MAP3K13: variants seen among roughly 807,000 people sequenced by gnomAD.
The protein encoded by MAP3K13 is leucine zipper-bearing kinase.
In MAP3K13, 52 loss-of-function variants were observed where a neutral mutation model predicts 104.0. That is an observed-to-expected ratio of 0.50 (90% CI 0.40 to 0.63). MAP3K13 has a LOEUF of 0.63. Ranked by LOEUF, MAP3K13 falls within the 20% of genes least tolerant of loss-of-function variation. MAP3K13 has a pLI of 0.00. For missense variants in MAP3K13, 914 were observed against 1,218.5 expected (o/e 0.75, Z 3.72); for synonymous variants, 394 against 442.2 (o/e 0.89, Z 1.37).
upstream of MAP3K13, among the ~76,000 whole-genome samples, chr3:185,358,265 A>G (rs893471538): frequency 1.3e-5 from 2 of 152,184 alleles, no homozygotes; most frequent in African/African-American, 2.4e-5. Flanking sequence ...AGTGGATTAC[A>G]CTGTTATCAT....
upstream of MAP3K13, among the ~76,000 whole-genome samples, chr3:185,358,164 A>G (rs1405903673): frequency 6.6e-6 from 1 of 152,230 alleles, no homozygotes; most frequent in Non-Finnish European, 1.5e-5. Context: ...GCATGTAAAT[A>G]TATACTTTTG....
rs33949195 is a variant in MAP3K13, at chr3:185,308,009, CTTTTT to C, written c.-86+22385_-86+22389del. Among the ~76,000 whole-genome samples the C allele has an allele frequency of 9.5e-5, 3 of 31,574 alleles. 1 individual carries two copies. Among genetic ancestry groups the C allele is most frequent in the East Asian group, 2.8e-3 (2 of 726 alleles). The allele number at this position is 31,574 out of a possible 152,430, so 20.7% of individuals were successfully genotyped here. A position where few individuals can be genotyped will look rare whatever the true frequency, so the allele number is the denominator to read the frequency against. On this transcript the variant is annotated intron_variant, in intron 2 of 14. Transcript: ENST00000424227. ...TCATAGACTTTCATTTCTTTGGGGTCTTTTTTTTTTTTTTTTTTTTTTTGAGACTT... is the reference window on the plus strand; with the variant it reads ...TCATAGACTTTCATTTCTTTGGGGTCTTTTTTTTTTTTTTTTTTGAGACTT...
intron 1 of MAP3K13, among the ~76,000 whole-genome samples, chr3:185,411,340 G>A (rs939293732): frequency 6.6e-6 from 1 of 152,170 alleles, no homozygotes; most frequent in African/African-American, 2.4e-5. Context: ...TTACTCATAT[G>A]AAGAGTCATC....
At chr3:185,302,004 T>A (rs1172675283) in intron 2 of MAP3K13, among the ~76,000 whole-genome samples, 1 of 152,114 alleles carries the variant, frequency 6.6e-6, no homozygotes, top group Admixed American at 6.6e-5. Context: ...TCTGCAAAAA[T>A]GTTGTTAGGA....
intron 2 of MAP3K13, among the ~76,000 whole-genome samples, chr3:185,354,801 T>C (rs535408552): frequency 6.6e-6 from 1 of 152,324 alleles, no homozygotes; most frequent in African/African-American, 2.4e-5. Flanking sequence ...CCAAAGCTCC[T>C]TGATACTTAG....
At chr3:185,475,820 C>T (rs1268834242) in intron 11 of MAP3K13, among the ~76,000 whole-genome samples, 1 of 152,142 alleles carries the variant, frequency 6.6e-6, no homozygotes, top group Non-Finnish European at 1.5e-5. Context: ...CACTGCACTC[C>T]AGCCTGGGCA....
At chr3:185,334,603 CTT>C (rs67702394) in intron 2 of MAP3K13, among the ~76,000 whole-genome samples, 195 of 144,916 alleles carry the variant, frequency 1.3e-3, no homozygotes, top group African/African-American at 4.1e-3. Context: ...AATGGATTTT[CTT>C]TTTTTTTTTT....
intron 2 of MAP3K13, among the ~76,000 whole-genome samples, chr3:185,294,383 G>A (rs1720847040): frequency 6.6e-6 from 1 of 152,158 alleles, no homozygotes; most frequent in South Asian, 2.1e-4. Context: ...TAGTGCTTTA[G>A]TGTACTGAAA....
chr3:185,372,061 C>T (rs1724188677), intron 1 of MAP3K13, among the ~76,000 whole-genome samples: 1 of 152,290 alleles, frequency 6.6e-6, no homozygotes, highest in South Asian at 2.1e-4. Context: ...TTAGGTTAAG[C>T]ATTTTACTAA....
At chr3:185,316,981 A>G (rs759289889) in intron 2 of MAP3K13, among the ~76,000 whole-genome samples, 16 of 152,224 alleles carry the variant, frequency 1.1e-4, no homozygotes, top group Non-Finnish European at 2.2e-4. Context: ...AAAATATTCC[A>G]GCCACTGTTA....
At chr3:185,455,818 TGA>T (rs1716674704) in intron 7 of MAP3K13, among the ~76,000 whole-genome samples, 8 of 124,892 alleles carry the variant, frequency 6.4e-5, no homozygotes, top group East Asian at 4.6e-4. Context: ...GATATATATA[TGA>T]GATATATATG....
chr3:185,363,101 G>A (rs1180712615), upstream of MAP3K13: 6 of 984,822 alleles, frequency 6.1e-6, no homozygotes, highest in African/African-American at 1.8e-5. Flanking sequence ...CCTATTGGCT[G>A]GGCCTACTCT....
chr3:185,436,839 C>T (rs564800788), intron 2 of MAP3K13, among the ~76,000 whole-genome samples: 2 of 151,476 alleles, frequency 1.3e-5, no homozygotes, highest in Non-Finnish European at 2.9e-5. Flanking sequence ...CCTGCCTCTA[C>T]TGAAAAATAC....
intron 1 of MAP3K13, among the ~76,000 whole-genome samples, chr3:185,415,850 C>T (rs138137283): frequency 0.011 from 1,668 of 152,064 alleles, 40 homozygotes; most frequent in African/African-American, 0.037. Context: ...CCCAAAGTGC[C>T]GGGATTGCAG....
chr3:185,426,004 T>C (rs921293360), intron 1 of MAP3K13, among the ~76,000 whole-genome samples: 3 of 152,152 alleles, frequency 2.0e-5, no homozygotes, highest in African/African-American at 2.4e-5. Flanking sequence ...CTGCATACCA[T>C]GTAATAGGAG....
At chr3:185,284,737 TATAA>T (rs1264369041) in intron 1 of MAP3K13, among the ~76,000 whole-genome samples, 3 of 150,218 alleles carry the variant, frequency 2.0e-5, no homozygotes, top group Non-Finnish European at 4.4e-5. Flanking sequence ...AAATATAAAA[TATAA>T]ATAAATAAAT....
At position 185,465,847 on chromosome 3, in the gene MAP3K13, G is replaced by A. The variant is rs1188620025; in HGVS notation, c.1489G>A (p.Glu497Lys). Reference protein sequence around the residue: ...SAIMLQLEMREKELIKREQAV... With the variant: ...SAIMLQLEMRKKELIKREQAV... ...CATCATGCTGCAGCTAGAAATGCGG[G>A]AGAAGGAGCTCATTAAGTATGTATC... Residue 497 changes from glutamate (E) to lysine (K), a missense_variant, in exon 9 of 14, where the codon GAG becomes AAG. Physicochemically the swap from Glu to Lys is moderately conservative, Grantham distance 56. Around this residue, in one of 3 missense-constraint regions of MAP3K13, gnomAD observed 583 missense variants for 737.4 expected, o/e 0.79. Coordinates refer to ENST00000265026, the MANE Select transcript of MAP3K13 (RefSeq NM_004721.5). 1 of 1,613,018 alleles carries A rather than the reference G, an allele frequency of 6.2e-7. No individual in the cohort carries two copies. Among genetic ancestry groups the A allele is most frequent in the African/African-American group, 1.3e-5 (1 of 74,920 alleles).
intron 1 of MAP3K13, among the ~76,000 whole-genome samples, chr3:185,409,212 A>G (rs1315028043): frequency 6.6e-6 from 1 of 152,160 alleles, no homozygotes; most frequent in Non-Finnish European, 1.5e-5. Context: ...TACCAAAAAT[A>G]CAAAAATTAG....
intron 5 of MAP3K13, among the ~76,000 whole-genome samples, chr3:185,448,686 T>G (rs1006957709): frequency 3.3e-5 from 5 of 152,220 alleles, no homozygotes; most frequent in South Asian, 4.1e-4. Flanking sequence ...GATTACTAAT[T>G]GATGTTCCCA....
Sources: allele counts gnomAD v4.1 joint callset (sites outside exome capture counted in the v4.1 genomes callset), GRCh38; gene constraint gnomAD v4.1.1; regional missense constraint gnomAD v4.1.1; transcripts MANE v1.5; gene names NCBI Gene and HGNC (gene_info 2026-07-23, HGNC 2026-07-21).